The following RANBP2 variants were observed in gnomAD, a reference collection of about 807,000 sequenced individuals.
RANBP2 encodes E3 SUMO-protein ligase RanBP2.
In RANBP2, 57 loss-of-function variants were observed where a neutral mutation model predicts 303.6. That is an observed-to-expected ratio of 0.19 (90% CI 0.15 to 0.23). RANBP2 has a LOEUF of 0.23. Among genes scored for constraint, RANBP2 ranks in the 10% least tolerant of loss-of-function variants. The pLI, the probability that RANBP2 is intolerant of heterozygous loss-of-function variation, is 1.00. For missense variants in RANBP2, 3,138 were observed against 3,780.8 expected (o/e 0.83, Z 4.46); for synonymous variants, 1,167 against 1,301.5 (o/e 0.90, Z 2.23).
At chr2:109,062,403 C>G in the RANBP2 span, among the ~76,000 whole-genome samples, 1 of 152,118 alleles carries the variant, frequency 6.6e-6, no homozygotes, top group East Asian at 1.9e-4. Context: ...TCAACCAGAC[C>G]GCATTGGAGG....
the RANBP2 span, among the ~76,000 whole-genome samples, chr2:109,233,638 C>T: frequency 6.6e-6 from 1 of 152,218 alleles, no homozygotes; most frequent in South Asian, 2.1e-4. Context: ...CTCTTCTACC[C>T]AGTATTTCCC....
At chr2:109,132,463 G>A in the RANBP2 span, among the ~76,000 whole-genome samples, 1 of 152,126 alleles carries the variant, frequency 6.6e-6, no homozygotes, top group Non-Finnish European at 1.5e-5. Context: ...GTCCCCTGAC[G>A]TGGTTAGCAG....
chr2:109,337,605 C>T, the RANBP2 span, among the ~76,000 whole-genome samples: 2 of 152,132 alleles, frequency 1.3e-5, no homozygotes, highest in African/African-American at 4.8e-5. Context: ...GCTAGGAAGT[C>T]CATCCTCCAT....
chr2:109,479,683 A>C, the RANBP2 span, among the ~76,000 whole-genome samples: 4 of 152,172 alleles, frequency 2.6e-5, no homozygotes, highest in African/African-American at 9.7e-5. Flanking sequence ...TCATTTTTAA[A>C]AAATGAATTA....
At chr2:109,258,186 A>T in the RANBP2 span, among the ~76,000 whole-genome samples, 6 of 152,218 alleles carry the variant, frequency 3.9e-5, no homozygotes, top group African/African-American at 1.4e-4. Flanking sequence ...GAAAGAGTAA[A>T]CTTACCTTAA....
the RANBP2 span, among the ~76,000 whole-genome samples, chr2:109,730,098 G>C: frequency 0.026 from 4,027 of 152,234 alleles, 195 homozygotes; most frequent in African/African-American, 0.092. Flanking sequence ...AACACATGGG[G>C]ATTACAATTT....
chr2:109,074,914 G>T, the RANBP2 span, among the ~76,000 whole-genome samples: 1 of 146,964 alleles, frequency 6.8e-6, no homozygotes, highest in African/African-American at 2.5e-5. Flanking sequence ...CCAGCTACTA[G>T]GGAGGCTGAG....
At chr2:109,108,138 C>T in the RANBP2 span, among the ~76,000 whole-genome samples, 1 of 152,358 alleles carries the variant, frequency 6.6e-6, no homozygotes. Flanking sequence ...ATCTCCTGCC[C>T]TCGGGATCCG....
chr2:109,560,190 G>C, the RANBP2 span, among the ~76,000 whole-genome samples: 2 of 152,162 alleles, frequency 1.3e-5, no homozygotes, highest in African/African-American at 4.8e-5. Flanking sequence ...AAAGTGCTGG[G>C]ATTACAGGCG....
the RANBP2 span, chr2:108,856,823 C>A: frequency 6.2e-7 from 1 of 1,613,032 alleles, no homozygotes; most frequent in Non-Finnish European, 8.5e-7. Context: ...ATTTGATTCT[C>A]TTTGTTTGGA....
At chr2:109,676,228 AC>A in the RANBP2 span, among the ~76,000 whole-genome samples, 1 of 152,100 alleles carries the variant, frequency 6.6e-6, no homozygotes, top group Non-Finnish European at 1.5e-5. Context: ...CCACGTCCAC[AC>A]CCTGGAAGGT....
the RANBP2 span, among the ~76,000 whole-genome samples, chr2:109,480,274 C>CACTT: frequency 6.6e-6 from 1 of 152,184 alleles, no homozygotes; most frequent in Non-Finnish European, 1.5e-5. Context: ...AGGTGCCCAG[C>CACTT]ACTTGAGCCC....
the RANBP2 span, among the ~76,000 whole-genome samples, chr2:109,632,153 T>C: frequency 6.6e-6 from 1 of 152,230 alleles, no homozygotes; most frequent in African/African-American, 2.4e-5. Context: ...CAGGACGTGA[T>C]GTGCCCTGAT....
chr2:109,448,518 G>A, the RANBP2 span, among the ~76,000 whole-genome samples: 2 of 152,232 alleles, frequency 1.3e-5, no homozygotes, highest in East Asian at 3.9e-4. Context: ...GGTTCTCATA[G>A]GAGAGCAAAC....
the RANBP2 span, among the ~76,000 whole-genome samples, chr2:109,138,889 A>G: frequency 1.3e-5 from 2 of 152,236 alleles, no homozygotes; most frequent in African/African-American, 4.8e-5. Context: ...TGTTCACAAA[A>G]CCAGAAGTGA....
chr2:109,547,899 T>C, the RANBP2 span, among the ~76,000 whole-genome samples: 1 of 152,196 alleles, frequency 6.6e-6, no homozygotes, highest in Non-Finnish European at 1.5e-5. Flanking sequence ...CTGTGTCCTG[T>C]GCTCTGTTAC....
the RANBP2 span, among the ~76,000 whole-genome samples, chr2:109,118,941 G>T: frequency 6.6e-6 from 1 of 152,204 alleles, no homozygotes; most frequent in Non-Finnish European, 1.5e-5. Context: ...CCACCTGGCT[G>T]CAGGGGTGGT....
chr2:109,129,931 C>G, the RANBP2 span: 6 of 1,483,872 alleles, frequency 4.0e-6, no homozygotes, highest in Non-Finnish European at 5.3e-6. Flanking sequence ...GGGCACCAGC[C>G]CCGGCGGCAG....
the RANBP2 span, among the ~76,000 whole-genome samples, chr2:109,369,881 G>C: frequency 1.4e-4 from 22 of 152,356 alleles, no homozygotes; most frequent in Middle Eastern, 6.8e-3. Flanking sequence ...AAAGAGGCCT[G>C]TAAGTCCCGA....
Sources: gnomAD v4.1 joint callset for allele counts (sites outside exome capture counted in the v4.1 genomes callset) on GRCh38, gnomAD v4.1.1 for gene constraint, MANE v1.5 for transcripts, NCBI Gene and HGNC (gene_info 2026-07-23, HGNC 2026-07-21) for gene names.